Variants in ATP2B4 observed in about 807,000 individuals in gnomAD.
ATP2B4 encodes ATPase plasma membrane Ca2+ transporting 4.
Under a neutral mutation model 110.3 loss-of-function variants are expected in ATP2B4, and 39 were observed. The observed-to-expected ratio is 0.35, with a 90% CI of 0.27 to 0.46. The LOEUF (loss-of-function observed/expected upper bound fraction) is 0.46. Ranked by LOEUF, ATP2B4 falls within the 20% of genes least tolerant of loss-of-function variation. The pLI is 1.00. For missense variants in ATP2B4, 1,135 were observed against 1,530.9 expected (o/e 0.74, Z 4.32); for synonymous variants, 538 against 571.7 (o/e 0.94, Z 0.84).
At chr1:203,660,743 G>A (rs1664313618) in intron 1 of ATP2B4, among the ~76,000 whole-genome samples, 1 of 152,040 alleles carries the variant, frequency 6.6e-6, no homozygotes, top group Admixed American at 6.5e-5. Context: ...AGGTTGCAGT[G>A]AGCCAAGATC....
chr1:203,700,724 G>T, intron 5 of ATP2B4, 74 bp from the exon 6 acceptor site: 6 of 1,581,524 alleles, frequency 3.8e-6, no homozygotes, highest in Admixed American at 3.4e-5. Flanking sequence ...TTTCTTCTAA[G>T]TTTGTGTTTC....
At chr1:203,719,806 C>T (rs917186865) in intron 15 of ATP2B4, among the ~76,000 whole-genome samples, 3 of 151,954 alleles carry the variant, frequency 2.0e-5, no homozygotes, top group African/African-American at 7.3e-5. Context: ...ATACCATCAA[C>T]TCATTTTTCT....
Position 203,709,501 on chromosome 1 carries a change from C to T in ATP2B4, c.1758C>T (p.Phe586=), listed in dbSNP as rs1665943633. The T allele has an allele frequency of 6.2e-7, 1 of 1,614,178 alleles. No individual in the cohort carries two copies. Among genetic ancestry groups the T allele is most frequent in the Non-Finnish European group, 8.5e-7 (1 of 1,180,026 alleles). Residue 586 remains phenylalanine, a synonymous_variant, in exon 11 of 21, where the codon TTC becomes TTT. Coordinates refer to ENST00000357681, the MANE Select transcript of ATP2B4 (RefSeq NM_001684.5). ...TCATCAGGAATCCCAACGGTGGCTT[C>T]CGTATGTACAGCAAGGGCGCCTCTG... ...STVIRNPNGG[F]RMYSKGASEI...
intron 1 of ATP2B4, among the ~76,000 whole-genome samples, chr1:203,659,472 C>CCT (rs1664266699): frequency 6.6e-6 from 1 of 151,516 alleles, no homozygotes; most frequent in Admixed American, 6.6e-5. Context: ...AGTTTGAGAC[C>CCT]AGCCGAGACC....
chr1:203,706,902 G>A, intron 8 of ATP2B4, 107 bp from the exon 9 acceptor site: 1 of 918,768 alleles, frequency 1.1e-6, no homozygotes. Flanking sequence ...GGCGATGGTG[G>A]TTTTAATAAT....
chr1:203,734,366 T>C (rs1009425692), intron 20 of ATP2B4, among the ~76,000 whole-genome samples: 12 of 152,102 alleles, frequency 7.9e-5, no homozygotes, highest in African/African-American at 2.9e-4. Context: ...CAAATGTATA[T>C]GGTTGAACAT....
At chr1:203,719,225 GA>G (rs60841821) in intron 15 of ATP2B4, among the ~76,000 whole-genome samples, 254 of 54,414 alleles carry the variant, frequency 4.7e-3, no homozygotes, top group Middle Eastern at 0.017. Flanking sequence ...ACCCTGTCTC[GA>G]AAAAAAAAAA....
intron 20 of ATP2B4, 92 bp downstream of exon 20, chr1:203,727,663 C>G (rs1221905546): frequency 6.7e-7 from 1 of 1,496,168 alleles, no homozygotes; most frequent in African/African-American, 1.4e-5. Context: ...CGGCCAGCAT[C>G]TCTTCCCTTC....
chr1:203,678,090 C>G (rs879172207), intron 1 of ATP2B4, among the ~76,000 whole-genome samples: 2 of 152,206 alleles, frequency 1.3e-5, no homozygotes, highest in Non-Finnish European at 2.9e-5. Context: ...GCCCTAGCCC[C>G]GGGCCCCTCC....
chr1:203,722,651 A>G lies in ATP2B4; in HGVS notation c.2986A>G (p.Ile996Val). ...NVFSGIYRNI[I>V]FCSVVLGTFI... ...CTTTTCAGGCATCTACCGCAACATT[A>G]TCTTCTGCTCTGTAGTCTTGGGCAC... is the stretch of plus-strand genomic sequence containing the variant. Residue 996 changes from isoleucine (I) to valine (V), a missense_variant, in exon 18 of 21, where the codon ATC becomes GTC. Physicochemically the swap from Ile to Val is conservative, Grantham distance 29 (BLOSUM62 3). This residue lies in a region of ATP2B4 where 155 missense variants were observed against 186.2 expected (regional missense o/e 0.83). Coordinates refer to ENST00000357681, the MANE Select transcript of ATP2B4 (RefSeq NM_001684.5). 6.2e-7 allele frequency: 1 copy of G among 1,614,202 alleles called. No homozygotes were observed. Among genetic ancestry groups the G allele is most frequent in the Non-Finnish European group, 8.5e-7 (1 of 1,180,036 alleles).
rs1022808738 is a variant in ATP2B4 at position 203,741,550 on chromosome 1, G to C, written c.*1696G>C. Reference sequence around the variant, plus strand: ...CCCACCCCCCTTTCTAGAGTGATGAGAGTCAAGAAGAGGGGATGTATGAAC... The same window carrying C: ...CCCACCCCCCTTTCTAGAGTGATGACAGTCAAGAAGAGGGGATGTATGAAC... On this transcript the variant is annotated 3_prime_UTR_variant, in exon 21 of 21. Transcript: ENST00000357681. 3 of 152,290 alleles carry C rather than the reference G, an allele frequency of 2.0e-5. No individual in the cohort carries two copies. The highest frequency in any genetic ancestry group is 7.2e-5 in the African/African-American group (3 of 41,430). 9.4% of individuals were successfully genotyped at this position (152,290 alleles called of 1,614,324 possible).
chr1:203,644,711 G>A (rs568716051), intron 1 of ATP2B4, among the ~76,000 whole-genome samples: 162 of 152,274 alleles, frequency 1.1e-3, no homozygotes, highest in African/African-American at 3.8e-3. Flanking sequence ...GGGCTTCAGT[G>A]ACAGAGACTG....
chr1:203,736,439 G>A (rs141719409), intron 20 of ATP2B4, among the ~76,000 whole-genome samples: 748 of 152,008 alleles, frequency 4.9e-3, no homozygotes, highest in Non-Finnish European at 8.0e-3. Flanking sequence ...TTGCACTCCA[G>A]CTTGGGCAAC....
chr1:203,727,860 G>C (rs1455507177), intron 20 of ATP2B4: 3 of 407,338 alleles, frequency 7.4e-6, no homozygotes, highest in Non-Finnish European at 1.4e-5. Context: ...AAATGGGCAA[G>C]CTTCAGCATA....
rs771479792 is a variant in ATP2B4, at chr1:203,733,341, C to T, written c.3309+5770C>T. On this transcript the variant is annotated intron_variant, in intron 20 of 20. Transcript: ENST00000357681. ...CCTAGTTCATCCTATGTAGCAGTTG[C>T]ACCAGTCAAATCTTCCCCCACCACT... The T allele has an allele frequency of 8.1e-6, 13 of 1,614,158 alleles. No homozygotes were observed. The Admixed American group carries it at 1.2e-4, about 14-fold the overall frequency.
intron 1 of ATP2B4, among the ~76,000 whole-genome samples, chr1:203,659,570 T>C (rs562026335): frequency 6.6e-6 from 1 of 151,994 alleles, no homozygotes; most frequent in South Asian, 2.1e-4. Flanking sequence ...GAGGCTGAGG[T>C]GGGAGGATCA....
intron 1 of ATP2B4, among the ~76,000 whole-genome samples, chr1:203,675,991 G>A (rs1056065208): frequency 2.6e-5 from 4 of 152,112 alleles, no homozygotes; most frequent in East Asian, 3.9e-4. Flanking sequence ...CCCCCAGGAG[G>A]CTAAGTTCTA....
chr1:203,726,440 T>A (rs979184247), intron 19 of ATP2B4, among the ~76,000 whole-genome samples: 2 of 146,168 alleles, frequency 1.4e-5, no homozygotes, highest in African/African-American at 2.6e-5. Context: ...TTTTTTTTTT[T>A]ACCAATGGGT....
intron 1 of ATP2B4, among the ~76,000 whole-genome samples, chr1:203,647,400 C>T (rs907213733): frequency 1.3e-5 from 2 of 151,396 alleles, no homozygotes; most frequent in South Asian, 2.1e-4. Flanking sequence ...TGCACCACTG[C>T]GCTCCAGCCT....
Sources: gnomAD v4.1 joint callset for allele counts (sites outside exome capture counted in the v4.1 genomes callset) on GRCh38, gnomAD v4.1.1 for gene constraint, gnomAD v4.1.1 regional missense constraint, MANE v1.5 for transcripts, NCBI Gene and HGNC (gene_info 2026-07-23, HGNC 2026-07-21) for gene names.